KLHL13: variants seen among roughly 807,000 people sequenced by gnomAD.
The protein encoded by KLHL13 is kelch like family member 13.
KLHL13 carries 10 observed loss-of-function variants against 37.1 expected under a neutral mutation model. The ratio of observed to expected loss-of-function variants is 0.27; its 90% CI spans 0.17 to 0.46. KLHL13 has a LOEUF of 0.46. Among genes scored for constraint, KLHL13 ranks in the 20% least tolerant of loss-of-function variants. KLHL13 has a pLI of 1.00. For missense variants in KLHL13, 360 were observed against 509.3 expected (o/e 0.71, Z 2.82); for synonymous variants, 163 against 181.2 (o/e 0.90, Z 0.81).
chrX:118,099,326 A>C (rs749336141), intron 1 of KLHL13, among the ~76,000 whole-genome samples: 1 of 111,960 alleles, frequency 8.9e-6, no homozygotes, highest in East Asian at 2.8e-4. Flanking sequence ...TTAAAACTTC[A>C]TTAAACTGAA....
At chrX:118,104,030 C>T (rs1445769401) in intron 1 of KLHL13, among the ~76,000 whole-genome samples, 1 of 93,263 alleles carries the variant, frequency 1.1e-5, no homozygotes, top group Non-Finnish European at 2.1e-5. Context: ...GGGCAACATA[C>T]CGAGGCCTCA....
chrX:118,077,279 G>A (rs747282368), intron 1 of KLHL13, among the ~76,000 whole-genome samples: 5 of 111,320 alleles, frequency 4.5e-5, no homozygotes, highest in Admixed American at 9.6e-5. Flanking sequence ...TTCTATAAGA[G>A]AAAGTTAAGC....
chrX:117,959,635 A>G (rs1476556290), intron 1 of KLHL13, among the ~76,000 whole-genome samples: 3 of 112,230 alleles, frequency 2.7e-5, no homozygotes, highest in Non-Finnish European at 5.6e-5. Flanking sequence ...ATCAAGCATT[A>G]ATATCACATT....
At chrX:118,100,622 C>T (rs1019660129) in intron 1 of KLHL13, among the ~76,000 whole-genome samples, 2 of 111,326 alleles carry the variant, frequency 1.8e-5, no homozygotes, top group South Asian at 3.8e-4. Flanking sequence ...ATACAACATA[C>T]AAAAACTGTA....
chrX:118,017,911 C>A (rs1350929813), intron 1 of KLHL13, among the ~76,000 whole-genome samples: 3 of 111,487 alleles, frequency 2.7e-5, no homozygotes, highest in African/African-American at 9.8e-5. Context: ...TCTGTCAGAG[C>A]ATTACAGAAA....
intron 1 of KLHL13, among the ~76,000 whole-genome samples, chrX:117,951,531 G>A (rs1009610267): frequency 1.5e-4 from 17 of 111,036 alleles, no homozygotes; most frequent in Non-Finnish European, 2.1e-4. Flanking sequence ...TTTTTTTAAT[G>A]ACATAAATAT....
intron 2 of KLHL13, among the ~76,000 whole-genome samples, chrX:117,925,757 TATC>T (rs1338887604): frequency 8.9e-6 from 1 of 112,252 alleles, no homozygotes; most frequent in African/African-American, 3.2e-5. Context: ...TGACCCGTCT[TATC>T]AGGTTGTTCT....
intron 1 of KLHL13, among the ~76,000 whole-genome samples, chrX:118,101,753 C>T (rs192617958): frequency 2.7e-4 from 30 of 110,682 alleles, no homozygotes; most frequent in Middle Eastern, 4.7e-3. Flanking sequence ...GCAGTTTTCC[C>T]CATGCTGTTC....
chrX:118,099,949 A>AGG (rs2055269413), intron 1 of KLHL13, among the ~76,000 whole-genome samples: 1 of 109,046 alleles, frequency 9.2e-6, no homozygotes, highest in African/African-American at 3.4e-5. Flanking sequence ...GAAGGAAGGA[A>AGG]AGGAAGACAC....
At chrX:118,081,573 A>G (rs1195828948) in intron 1 of KLHL13, among the ~76,000 whole-genome samples, 2 of 111,837 alleles carry the variant, frequency 1.8e-5, no homozygotes, top group Non-Finnish European at 3.8e-5. Context: ...ATCACCTCAA[A>G]CATTTATCAT....
chrX:118,018,350 C>T (rs1569292537), intron 1 of KLHL13, among the ~76,000 whole-genome samples: 1 of 111,745 alleles, frequency 8.9e-6, no homozygotes, highest in African/African-American at 3.2e-5. Flanking sequence ...TTTCATCATG[C>T]TTTTGCACGT....
At chrX:117,925,622 A>G (rs1931966334) in intron 2 of KLHL13, among the ~76,000 whole-genome samples, 1 of 112,075 alleles carries the variant, frequency 8.9e-6, no homozygotes, top group African/African-American at 3.2e-5. Context: ...TCATTATTAT[A>G]TAACACTGCT....
chrX:117,946,495 A>G (rs1933325647), intron 1 of KLHL13: 1 of 112,134 alleles, frequency 8.9e-6, no homozygotes, highest in Non-Finnish European at 1.9e-5. Flanking sequence ...ATAACCTTTC[A>G]TCATTCCTTA....
chrX:118,069,085 T>C (rs1261921298), intron 1 of KLHL13, among the ~76,000 whole-genome samples: 1 of 100,621 alleles, frequency 9.9e-6, no homozygotes, highest in African/African-American at 4.0e-5. Flanking sequence ...TGCATCCTGG[T>C]GAAAACAGGG....
intron 1 of KLHL13, among the ~76,000 whole-genome samples, chrX:117,952,264 T>C (rs1933655363): frequency 9.0e-6 from 1 of 111,374 alleles, no homozygotes; most frequent in Non-Finnish European, 1.9e-5. Context: ...TCTACAACTA[T>C]CTGATCTTTG....
rs140866451 is a variant in KLHL13 at position 118,085,913 on chromosome X, T to C, written c.-56+30595A>G. On this transcript the variant is annotated intron_variant, in intron 1 of 6. Coordinates refer to the KLHL13 transcript ENST00000371882. ...GATTCCCTATCTTTGCAGTTGTGAATTGTGCTGCAATAAACATATGCATGA... is the reference window on the plus strand; with the variant it reads ...GATTCCCTATCTTTGCAGTTGTGAACTGTGCTGCAATAAACATATGCATGA... 7.6e-3 allele frequency among the ~76,000 whole-genome samples: 823 copies of C among 108,213 alleles called. 11 individuals are homozygous for C. The highest frequency in any genetic ancestry group is 0.025 in the African/African-American group (754 of 29,609). 94.0% of individuals were successfully genotyped at this position (108,213 alleles called of 115,157 possible). A position where few individuals can be genotyped will look rare whatever the true frequency, so the allele number is the denominator to read the frequency against.
chrX:118,108,954 G>C (rs2055376424), intron 1 of KLHL13, among the ~76,000 whole-genome samples: 1 of 111,486 alleles, frequency 9.0e-6, no homozygotes, highest in African/African-American at 3.3e-5. Context: ...CTATAGGCGT[G>C]TGCCTCCATG....
chrX:118,036,253 C>T (rs1473942941), intron 1 of KLHL13, among the ~76,000 whole-genome samples: 2 of 110,293 alleles, frequency 1.8e-5, no homozygotes, highest in Non-Finnish European at 3.8e-5. Context: ...CTTTAAAGTT[C>T]ATATGGAACC....
chrX:118,054,779 T>C (rs1033841480), intron 1 of KLHL13, among the ~76,000 whole-genome samples: 1 of 111,563 alleles, frequency 9.0e-6, no homozygotes. Context: ...ATCATATTCC[T>C]CAATATTACA....
Sources: allele counts gnomAD v4.1 joint callset (sites outside exome capture counted in the v4.1 genomes callset), GRCh38; gene constraint gnomAD v4.1.1; transcripts MANE v1.5; gene names NCBI Gene and HGNC (gene_info 2026-07-23, HGNC 2026-07-21).